The following EPS8L3 variants were observed in gnomAD, a reference collection of about 807,000 sequenced individuals.
The protein encoded by EPS8L3 is epidermal growth factor receptor kinase substrate 8-like protein 3.
In EPS8L3, 80 loss-of-function variants were observed where a neutral mutation model predicts 88.5. That is an observed-to-expected ratio of 0.90 (90% CI 0.75 to 1.09). The LOEUF (loss-of-function observed/expected upper bound fraction) is 1.09. EPS8L3 is among the 50% of genes least tolerant of loss of function. The pLI is 0.00. For missense variants in EPS8L3, 721 were observed against 735.2 expected, an observed-to-expected ratio of 0.98 and a Z score of 0.22; for synonymous variants, 286 against 291.0, an observed-to-expected ratio of 0.98 and a Z score of 0.18.
intron 16 of EPS8L3, 128 bp from the exon 17 acceptor site, chr1:109,751,479 G>T: frequency 1.5e-6 from 2 of 1,348,542 alleles, no homozygotes; most frequent in Non-Finnish European, 2.1e-6. Context: ...TTCTGGTCTG[G>T]CAGGGAGCTG....
chr1:109,761,651 G>T, intron 2 of EPS8L3, 68 bp downstream of exon 2: 1 of 1,606,296 alleles, frequency 6.2e-7, no homozygotes, highest in South Asian at 1.1e-5. Flanking sequence ...GAGGAAGGGG[G>T]AGTGGAGGAT....
rs189961451 is a variant in EPS8L3, at chr1:109,763,470, G to A, written c.-25+352C>T. On this transcript the variant is annotated intron_variant, in intron 1 of 18. Coordinates refer to ENST00000361965, the MANE Select transcript of EPS8L3 (RefSeq NM_133181.4). ...AGCCAAAGATTCCCTACCCCAGGGA[G>A]GGAAGAGGGAGCTGGCTTGGCCTGC... is the stretch of plus-strand genomic sequence containing the variant. Among the ~76,000 whole-genome samples the A allele has an allele frequency of 6.3e-3, 958 of 152,300 alleles. 3 individuals carry two copies. Among genetic ancestry groups the A allele is most frequent in the Non-Finnish European group, 9.7e-3 (661 of 67,998 alleles).
In EPS8L3 at chr1:109,754,662, G is replaced by T. The variant is rs1042896760; in HGVS notation, c.1119-1464C>A. Among the ~76,000 whole-genome samples the T allele has an allele frequency of 2.6e-5, 4 of 152,282 alleles. No individual in the cohort carries two copies. The East Asian group carries it at 7.7e-4, about 29-fold the overall frequency. On this transcript the variant is annotated intron_variant, in intron 12 of 18. Transcript: ENST00000361965. ...AATTGTAGAAGTAAGGCTGGGTTTT[G>T]AAACACAAAATGGTGTATTCGACCT...
intron 15 of EPS8L3, 65 bp from the exon 16 acceptor site, chr1:109,751,847 G>T: frequency 1.2e-6 from 2 of 1,603,118 alleles, no homozygotes; most frequent in South Asian, 2.2e-5. Context: ...CCCCACACAA[G>T]GCTTTCTCCC....
At chr1:109,761,234 C>G in intron 3 of EPS8L3, 1 of 445,202 alleles carries the variant, frequency 2.2e-6, no homozygotes, top group South Asian at 4.0e-5. Flanking sequence ...GCTACTTCTT[C>G]CTGTCTGGGG....
Position 109,758,507 on chromosome 1 carries a change from C to T in EPS8L3, c.601+17G>A, listed in dbSNP as rs779692214. ...TCGAAACCCTCTCCTTCACCTGCCC[C>T]CATGCCCCAAACTTACTGTGCTCTA... On this transcript the variant is annotated intron_variant, in intron 7 of 18. Transcript: ENST00000361965. The T allele has an allele frequency of 6.4e-7, 1 of 1,564,744 alleles. No homozygotes were observed. Among genetic ancestry groups the T allele is most frequent in the African/African-American group, 1.4e-5 (1 of 73,190 alleles).
rs757787708 is a variant in EPS8L3 at position 109,757,154 on chromosome 1, C to T, written c.981G>A (p.Arg327=). Residue 327 remains arginine, a synonymous_variant, in exon 12 of 19, where the codon AGG becomes AGA. Transcript: ENST00000361965. The part of the protein sequence containing the change: ...LFKSLNFILA[R]CPEAGLAAQV... Reference sequence around the variant, plus strand: ...GGGCTGCTAGGCCAGCCTCAGGGCACCTGGCCAGGATCTAGGGGAGAGATG... The same window carrying T: ...GGGCTGCTAGGCCAGCCTCAGGGCATCTGGCCAGGATCTAGGGGAGAGATG... 17 of 1,611,164 alleles carry T rather than the reference C, an allele frequency of 1.1e-5. No individual in the cohort carries two copies. In the East Asian group the frequency reaches 1.1e-4, roughly 11 times the overall value.
At chr1:109,758,111 A>G in intron 8 of EPS8L3, 53 bp from the exon 9 acceptor site, 1 of 1,499,556 alleles carries the variant, frequency 6.7e-7, no homozygotes, top group Non-Finnish European at 9.2e-7. Context: ...CCACCCTGGA[A>G]CTCCCCACAC....
At chr1:109,761,915 G>A (rs6676659) in intron 1 of EPS8L3, 142 bp from the exon 2 acceptor site, 192,684 of 674,864 alleles carry the variant, frequency 0.29, 31,200 homozygotes, top group African/African-American at 0.58. Flanking sequence ...GGCCCTTTCC[G>A]GAGCCATCTG....
chr1:109,757,257 T>G (rs954623018), intron 11 of EPS8L3, 92 bp from the exon 12 acceptor site: 145 of 1,418,928 alleles, frequency 1.0e-4, no homozygotes, highest in Admixed American at 2.3e-4. Context: ...TTCCCACTTT[T>G]GCAATGGTAG....
In EPS8L3 at chr1:109,759,400, G is replaced by C. The variant is rs1650672773; in HGVS notation, c.256-13C>G. On this transcript the variant is annotated splice_polypyrimidine_tract_variant and intron_variant, in intron 4 of 18. Coordinates refer to ENST00000361965, the MANE Select transcript of EPS8L3 (RefSeq NM_133181.4). This position sits in a 1 kb window ranked among gnomAD's most constrained non-coding sequence, Gnocchi z 4.2. ...AGTCCAGCTCCTCCTGGGCCAGGTG[G>C]AGAGGTCAACTGTGAGGCCACCAGA... 1 of 1,612,298 alleles carries C rather than the reference G, an allele frequency of 6.2e-7. No individual in the cohort carries two copies. Among genetic ancestry groups the C allele is most frequent in the East Asian group, 2.2e-5 (1 of 44,894 alleles).
At chr1:109,756,920 G>T in intron 12 of EPS8L3, 97 bp downstream of exon 12, 1 of 1,488,364 alleles carries the variant, frequency 6.7e-7, no homozygotes, top group South Asian at 1.2e-5. Context: ...AAATATTTCT[G>T]GTTTGTGACA....
chr1:109,759,126 CA>C lies in EPS8L3; in HGVS notation c.406-10del. On this transcript the variant is annotated splice_polypyrimidine_tract_variant and intron_variant, in intron 5 of 18. Coordinates refer to ENST00000361965, the MANE Select transcript of EPS8L3 (RefSeq NM_133181.4). This position sits in a 1 kb window ranked among gnomAD's most constrained non-coding sequence, Gnocchi z 4.2. ...GTCTTCAGTCGCTCTGCCTGGGAAGCAGCAGTCAGGCAGGCTAAGTGTGTGT... is the reference window on the plus strand; with the variant it reads ...GTCTTCAGTCGCTCTGCCTGGGAAGCGCAGTCAGGCAGGCTAAGTGTGTGT... 1 of 1,610,710 alleles carries C rather than the reference CA, an allele frequency of 6.2e-7. No homozygotes were observed. The highest frequency in any genetic ancestry group is 8.5e-7 in the Non-Finnish European group (1 of 1,179,476).
intron 1 of EPS8L3, among the ~76,000 whole-genome samples, chr1:109,762,899 C>T (rs1651145402): frequency 6.6e-6 from 1 of 152,192 alleles, no homozygotes. Flanking sequence ...GTCTAGAGAA[C>T]ATACATGTTG....
In EPS8L3 at chr1:109,757,067, T is replaced by A. The variant is rs771750733; in HGVS notation, c.1068A>T (p.Pro356=). The A allele has an allele frequency of 3.1e-6, 5 of 1,613,984 alleles. No individual in the cohort carries two copies. Among genetic ancestry groups the A allele is most frequent in the Non-Finnish European group, 4.2e-6 (5 of 1,180,000 alleles). The change falls in exon 12 of 19, where the codon CCA becomes CCT. Residue 356 remains proline, a synonymous_variant. Coordinates refer to ENST00000361965, the MANE Select transcript of EPS8L3 (RefSeq NM_133181.4). ...AINLLQSCLS[P]PESNLWMGLG... ...ACCCCATCCAAAGGTTACTCTCAGGTGGGCTTAGACAGGACTGTAGCAGGT... is the reference window on the plus strand; with the variant it reads ...ACCCCATCCAAAGGTTACTCTCAGGAGGGCTTAGACAGGACTGTAGCAGGT...
chr1:109,759,383 T>C lies in EPS8L3; in HGVS notation c.260A>G (p.Glu87Gly). 2 of 1,613,604 alleles carry C rather than the reference T, an allele frequency of 1.2e-6. No homozygotes were observed. The highest frequency in any genetic ancestry group is 1.7e-6 in the Non-Finnish European group (2 of 1,179,782). The change falls in exon 5 of 19, where the codon GAG becomes GGG. Residue 87 changes from glutamate to glycine, a missense_variant. Coordinates refer to ENST00000361965, the MANE Select transcript of EPS8L3 (RefSeq NM_133181.4). The surrounding 1 kb of genome is among the most constrained non-coding windows in gnomAD (Gnocchi z 4.2). The stretch of plus-strand genomic sequence containing the variant: ...GCTGTCTAGGCGGTAAGAGTCCAGC[T>C]CCTCCTGGGCCAGGTGGAGAGGTCA... ...LQLLDIETKE[E>G]LDSYRLDSIQ...
rs111701055 is a variant in EPS8L3, at chr1:109,761,829, G to T, written c.-24-56C>A. 2,365 of 1,487,430 alleles carry T rather than the reference G, an allele frequency of 1.6e-3. 32 individuals carry two copies. The African/African-American group carries it at 0.028, about 18-fold the overall frequency. The allele number at this position is 1,487,430 out of a possible 1,614,324, so 92.1% of individuals were successfully genotyped here. A position where few individuals can be genotyped will look rare whatever the true frequency, so the allele number is the denominator to read the frequency against. ...TCAGAGCTGGGGAAAGGTGTACCAGGCACAGCAGGGCAGGACAGTTGCTAT... is the reference window on the plus strand; with the variant it reads ...TCAGAGCTGGGGAAAGGTGTACCAGTCACAGCAGGGCAGGACAGTTGCTAT... On this transcript the variant is annotated intron_variant, in intron 1 of 18. Transcript: ENST00000361965.
intron 6 of EPS8L3, 141 bp from the exon 7 acceptor site, chr1:109,758,804 C>T: frequency 8.7e-7 from 1 of 1,143,508 alleles, no homozygotes; most frequent in Non-Finnish European, 1.2e-6. Flanking sequence ...TCCTTCTGGA[C>T]CCACCCCTGA....
At position 109,757,521 on chromosome 1, in the gene EPS8L3, G is replaced by A; in HGVS notation, c.929C>T (p.Ala310Val). The stretch of plus-strand genomic sequence containing the variant: ...GAAGAGGATGTGTACGAGCTCAGGG[G>A]CACTTGTCTCCTTCAGCCAGGTGGC... ...RLATWLKETS[A>V]PELVHILFKS... The change falls in exon 11 of 19, where the codon GCC becomes GTC. Residue 310 changes from alanine (A) to valine (V), a missense_variant. Transcript: ENST00000361965. 6.2e-7 allele frequency: 1 copy of A among 1,614,078 alleles called. No homozygotes were observed. The highest frequency in any genetic ancestry group is 2.2e-5 in the East Asian group (1 of 44,884).
Sources: gnomAD v4.1 joint callset for allele counts (sites outside exome capture counted in the v4.1 genomes callset) on GRCh38, gnomAD v4.1.1 for gene constraint, Gnocchi (gnomAD v3.1) non-coding constraint, MANE v1.5 for transcripts, NCBI Gene and HGNC (gene_info 2026-07-23, HGNC 2026-07-21) for gene names.